The following NEK10 variants were observed in gnomAD, a reference collection of about 807,000 sequenced individuals.
NEK10 encodes the protein NIMA related kinase 10, also known as serine/threonine-protein kinase Nek10.
NEK10 carries 122 observed loss-of-function variants against 159.8 expected under a neutral mutation model. The ratio of observed to expected loss-of-function variants is 0.76; its 90% confidence interval spans 0.66 to 0.89. The LOEUF (loss-of-function observed/expected upper bound fraction) is 0.89. Among genes scored for constraint, NEK10 ranks in the 40% least tolerant of loss-of-function variants. The pLI, the probability that NEK10 is intolerant of heterozygous loss-of-function variation, is 0.00. For missense variants in NEK10, 1,342 were observed against 1,323.1 expected (o/e 1.01, Z -0.22); for synonymous variants, 466 against 457.1 (o/e 1.02, Z -0.25).
At position 27,192,143 on chromosome 3, in the gene NEK10, G is replaced by T. The variant is rs1047678150; in HGVS notation, c.2391C>A (p.Ser797=). ...MMKYLDNLST[S]QLSLEKKLER... is the part of the protein sequence containing the mutation. ...CTAGCTTCTTTTCCAAGGACAACTG[G>T]GATGTAGATAAGTTGTCTAAATATT... Residue 797 remains serine (S), a synonymous_variant, in exon 26 of 36, where the codon TCC becomes TCA. Coordinates refer to ENST00000691995, the MANE Select transcript of NEK10 (RefSeq NM_001394966.1). 4 of 1,613,892 alleles carry T rather than the reference G, an allele frequency of 2.5e-6. No homozygotes were observed. Among genetic ancestry groups the T allele is most frequent in the Non-Finnish European group, 3.4e-6 (4 of 1,179,818 alleles).
chr3:27,205,847 A>C (rs1271535368), intron 23 of NEK10, among the ~76,000 whole-genome samples: 6 of 147,166 alleles, frequency 4.1e-5, no homozygotes, highest in African/African-American at 1.3e-4. Context: ...CAAAAGACAA[A>C]ATTGACAAAT....
intron 26 of NEK10, among the ~76,000 whole-genome samples, chr3:27,179,979 G>A (rs186860520): frequency 1.5e-3 from 226 of 152,184 alleles, no homozygotes; most frequent in African/African-American, 4.9e-3. Flanking sequence ...TACTCGCAAG[G>A]CTGAAGCACG....
intron 23 of NEK10, among the ~76,000 whole-genome samples, chr3:27,246,872 G>A: frequency 6.6e-6 from 1 of 152,142 alleles, no homozygotes. Context: ...TCTCATAAAT[G>A]ATATTACTTT....
chr3:27,193,682 T>C (rs938028025), intron 25 of NEK10, among the ~76,000 whole-genome samples: 5 of 146,382 alleles, frequency 3.4e-5, no homozygotes, highest in Non-Finnish European at 7.5e-5. Context: ...TCTTATATAC[T>C]TGCCAAAATC....
intron 31 of NEK10, among the ~76,000 whole-genome samples, chr3:27,133,450 G>A (rs1452246488): frequency 6.6e-6 from 1 of 152,116 alleles, no homozygotes; most frequent in African/African-American, 2.4e-5. Flanking sequence ...ATATAAAACA[G>A]GAAAATAATT....
In NEK10 at chr3:27,291,252, G is replaced by A. The variant is rs1247482948; in HGVS notation, c.1605+10C>T. 1.2e-6 allele frequency: 2 copies of A among 1,609,022 alleles called. No individual in the cohort carries two copies. Among genetic ancestry groups the A allele is most frequent in the South Asian group, 2.2e-5 (2 of 89,532 alleles). On this transcript the variant is annotated intron_variant, in intron 18 of 35. Transcript: ENST00000691995. ...GGAGTATCAGAAATGTTCCCCAAGG[G>A]GAAAGTCACCTTGTAAACACAGCCA...
chr3:27,268,069 C>A (rs568879186), intron 22 of NEK10, among the ~76,000 whole-genome samples: 2 of 152,286 alleles, frequency 1.3e-5, no homozygotes, highest in South Asian at 4.1e-4. Flanking sequence ...AAGCCAATGC[C>A]CAATCTGGAG....
At chr3:27,304,109 G>A (rs948638861) in intron 12 of NEK10, among the ~76,000 whole-genome samples, 27 of 152,080 alleles carry the variant, frequency 1.8e-4, no homozygotes, top group Admixed American at 8.5e-4. Context: ...TCCATTCTCC[G>A]TGCTCCTGAC....
At chr3:27,246,861 C>T (rs183498758) in intron 23 of NEK10, among the ~76,000 whole-genome samples, 181 of 152,290 alleles carry the variant, frequency 1.2e-3, no homozygotes, top group Non-Finnish European at 1.9e-3. Context: ...TTATTTGTAG[C>T]TCTCATAAAT....
At chr3:27,346,423 A>G (rs1021843326) in intron 3 of NEK10, among the ~76,000 whole-genome samples, 4 of 152,188 alleles carry the variant, frequency 2.6e-5, no homozygotes, top group East Asian at 1.9e-4. Flanking sequence ...ATTTTTCTTC[A>G]TAGCTTGTAA....
At chr3:27,301,667 T>C (rs759496142) in intron 13 of NEK10, 29 bp downstream of exon 13, 12 of 1,438,044 alleles carry the variant, frequency 8.3e-6, no homozygotes, top group Admixed American at 1.9e-5. Flanking sequence ...CAATAAATTA[T>C]AGCATATCAA....
At chr3:27,159,199 A>G (rs1275710780) in intron 30 of NEK10, among the ~76,000 whole-genome samples, 1 of 152,154 alleles carries the variant, frequency 6.6e-6, no homozygotes, top group African/African-American at 2.4e-5. Flanking sequence ...TGTTTTCATC[A>G]TTTCTCAAAT....
intron 8 of NEK10, 124 bp from the exon 9 acceptor site, chr3:27,311,140 G>A: frequency 1.8e-6 from 1 of 557,312 alleles, no homozygotes. Flanking sequence ...AGCACAAAAG[G>A]AACAACAGAT....
intron 26 of NEK10, among the ~76,000 whole-genome samples, chr3:27,184,062 C>T (rs145550751): frequency 1.4e-4 from 21 of 152,258 alleles, no homozygotes; most frequent in African/African-American, 4.6e-4. Flanking sequence ...ACCTATAACC[C>T]TGAAACTCTA....
intron 5 of NEK10, among the ~76,000 whole-genome samples, chr3:27,341,822 G>A (rs958995892): frequency 5.3e-5 from 8 of 152,138 alleles, no homozygotes; most frequent in African/African-American, 1.2e-4. Flanking sequence ...GGTAGACATT[G>A]AGAAATGAGT....
In NEK10 at chr3:27,119,853, G is replaced by C. The variant is rs112591494; in HGVS notation, c.3097C>G (p.Pro1033Ala). 3,658 of 1,613,506 alleles carry C rather than the reference G, an allele frequency of 2.3e-3. 78 individuals carry two copies. The African/African-American group carries it at 0.043, about 19-fold the overall frequency. The change falls in exon 33 of 36, where the codon CCA becomes GCA. Residue 1033 changes from proline to alanine, a missense_variant. Physicochemically the swap from Pro to Ala is conservative, Grantham distance 27. Coordinates refer to ENST00000691995, the MANE Select transcript of NEK10 (RefSeq NM_001394966.1). ...SEIKKLSQGS[P>A]EPIEPNFFTA... ...AAAAAGTTGGGCTCAATCGGTTCTG[G>C]AGATCCCTGAGATAACTGAAATAGA... is the stretch of plus-strand genomic sequence containing the variant.
Position 27,111,061 on chromosome 3 carries a change from T to C in NEK10, c.*211A>G, listed in dbSNP as rs1187380079. On this transcript the variant is annotated 3_prime_UTR_variant, in exon 36 of 36. Coordinates refer to ENST00000691995, the MANE Select transcript of NEK10 (RefSeq NM_001394966.1). Reference sequence around the variant, plus strand: ...ACTGGTAGCTCTGACATCCTGTATATAATGTGTTCTGGCAATGAAGCCCTC... The same window carrying C: ...ACTGGTAGCTCTGACATCCTGTATACAATGTGTTCTGGCAATGAAGCCCTC... The C allele has an allele frequency of 2.5e-6, 1 of 401,642 alleles. No homozygotes were observed. The highest frequency in any genetic ancestry group is 4.4e-6 in the Non-Finnish European group (1 of 225,256). The allele number at this position is 401,642 out of a possible 1,614,324, so 24.9% of individuals were successfully genotyped here. A position where few individuals can be genotyped will look rare whatever the true frequency, so the allele number is the denominator to read the frequency against.
intron 5 of NEK10, among the ~76,000 whole-genome samples, chr3:27,332,849 G>GAATC (rs2046522278): frequency 6.6e-6 from 1 of 152,142 alleles, no homozygotes; most frequent in Admixed American, 6.5e-5. Context: ...GATGGAAATG[G>GAATC]AATCAAACTC....
At chr3:27,248,310 C>T (rs1479174128) in intron 23 of NEK10, among the ~76,000 whole-genome samples, 1 of 151,962 alleles carries the variant, frequency 6.6e-6, no homozygotes, top group Non-Finnish European at 1.5e-5. Context: ...TTCCAAAAAA[C>T]AACTTTCCAT....
Sources: gnomAD v4.1 joint callset for allele counts (sites outside exome capture counted in the v4.1 genomes callset) on GRCh38, gnomAD v4.1.1 for gene constraint, MANE v1.5 for transcripts, NCBI Gene and HGNC (gene_info 2026-07-23, HGNC 2026-07-21) for gene names.